Variants in CLSTN2 observed in about 807,000 individuals in gnomAD.
CLSTN2 encodes calsyntenin-2.
Under a neutral mutation model 101.2 loss-of-function variants are expected in CLSTN2, and 48 were observed. The ratio of observed to expected loss-of-function variants is 0.47; its 90% CI spans 0.38 to 0.60. CLSTN2 has a LOEUF of 0.60. CLSTN2 is among the 20% of genes least tolerant of loss of function. The pLI, the probability that CLSTN2 is intolerant of heterozygous loss-of-function variation, is 0.00. For synonymous variants in CLSTN2, 481 were observed against 463.6 expected, an observed-to-expected ratio of 1.04 and a Z score of -0.48; for missense variants, 1,160 against 1,238.2, an observed-to-expected ratio of 0.94 and a Z score of 0.95.
At chr3:140,481,605 G>C (rs1045338131) in intron 8 of CLSTN2, among the ~76,000 whole-genome samples, 3 of 152,118 alleles carry the variant, frequency 2.0e-5, no homozygotes, top group Non-Finnish European at 4.4e-5. Flanking sequence ...CCATTTCTTT[G>C]TATCCTCTTT....
At chr3:140,341,562 G>A (rs1359092755) in intron 2 of CLSTN2, among the ~76,000 whole-genome samples, 1 of 152,208 alleles carries the variant, frequency 6.6e-6, no homozygotes, top group East Asian at 1.9e-4. Flanking sequence ...TGCTGAAGAA[G>A]AAGGTTTCTA....
At chr3:139,986,192 T>C (rs930022772) in intron 1 of CLSTN2, among the ~76,000 whole-genome samples, 2 of 152,214 alleles carry the variant, frequency 1.3e-5, no homozygotes, top group Non-Finnish European at 2.9e-5. Context: ...AGAATACAAC[T>C]GAATTTTTAT....
At chr3:140,398,676 G>A (rs2088208947) in intron 2 of CLSTN2, among the ~76,000 whole-genome samples, 1 of 152,164 alleles carries the variant, frequency 6.6e-6, no homozygotes, top group Non-Finnish European at 1.5e-5. Flanking sequence ...TCCTTAGTTG[G>A]CTTTATGCTG....
At chr3:140,375,387 G>T (rs940082763) in intron 2 of CLSTN2, among the ~76,000 whole-genome samples, 1 of 152,194 alleles carries the variant, frequency 6.6e-6, no homozygotes, top group Non-Finnish European at 1.5e-5. Context: ...AGCTGTGGGA[G>T]GCCTGTGCAC....
chr3:140,296,733 G>T (rs1168496164), intron 2 of CLSTN2, among the ~76,000 whole-genome samples: 3 of 152,208 alleles, frequency 2.0e-5, no homozygotes, highest in Non-Finnish European at 2.9e-5. Flanking sequence ...CCGACCATCT[G>T]TCCCTTTAGG....
intron 2 of CLSTN2, among the ~76,000 whole-genome samples, chr3:140,240,174 C>CTATATATATATA (rs1226140178): frequency 3.0e-4 from 4 of 13,336 alleles, no homozygotes; most frequent in African/African-American, 3.2e-4. Context: ...CTCTCTCTCT[C>CTATATATATATA]TATATATATA....
chr3:140,555,754 C>A (rs991170563), intron 10 of CLSTN2, among the ~76,000 whole-genome samples: 2 of 152,162 alleles, frequency 1.3e-5, no homozygotes, highest in African/African-American at 4.8e-5. Context: ...TTTTCCCTGC[C>A]TCATTCCAAG....
chr3:140,372,384 C>T (rs1394037221), intron 2 of CLSTN2, among the ~76,000 whole-genome samples: 11 of 152,230 alleles, frequency 7.2e-5, no homozygotes, highest in Non-Finnish European at 1.5e-4. Context: ...GCTAGAGCAT[C>T]TTTTCCCACC....
At chr3:140,094,128 G>T (rs544672532) in intron 1 of CLSTN2, among the ~76,000 whole-genome samples, 2 of 152,282 alleles carry the variant, frequency 1.3e-5, no homozygotes, top group South Asian at 2.1e-4. Flanking sequence ...TTCAACAGAC[G>T]TTAACCCTCA....
At chr3:140,397,823 A>G (rs1344367735) in intron 2 of CLSTN2, among the ~76,000 whole-genome samples, 1 of 152,218 alleles carries the variant, frequency 6.6e-6, no homozygotes, top group Admixed American at 6.5e-5. Context: ...TGTGCTTTGA[A>G]TCTTTTACTT....
intron 1 of CLSTN2, among the ~76,000 whole-genome samples, chr3:139,987,469 C>T (rs138427249): frequency 3.3e-5 from 5 of 152,330 alleles, no homozygotes; most frequent in Admixed American, 6.5e-5. Flanking sequence ...ATCAGTCCTC[C>T]GTCTTTCAGC....
chr3:140,240,859 C>G (rs2086461521), intron 2 of CLSTN2, among the ~76,000 whole-genome samples: 1 of 152,142 alleles, frequency 6.6e-6, no homozygotes, highest in Admixed American at 6.6e-5. Context: ...ACTAGGGTCC[C>G]TGCCTTTATA....
At chr3:140,075,428 G>A (rs2008470295) in intron 1 of CLSTN2, among the ~76,000 whole-genome samples, 1 of 152,116 alleles carries the variant, frequency 6.6e-6, no homozygotes, top group Non-Finnish European at 1.5e-5. Flanking sequence ...GGGTTATTTA[G>A]AGGTATGTTT....
chr3:140,468,180 C>A (rs887056929), intron 8 of CLSTN2, among the ~76,000 whole-genome samples: 6 of 152,328 alleles, frequency 3.9e-5, no homozygotes, highest in African/African-American at 1.4e-4. Context: ...TATTTCTCAG[C>A]AACCTCTCAG....
At chr3:140,160,223 G>A (rs1264457025) in intron 1 of CLSTN2, among the ~76,000 whole-genome samples, 1 of 152,050 alleles carries the variant, frequency 6.6e-6, no homozygotes, top group Non-Finnish European at 1.5e-5. Flanking sequence ...TAGAGTTAAT[G>A]TATATTTAGA....
At chr3:140,102,835 A>T (rs1449975709) in intron 1 of CLSTN2, among the ~76,000 whole-genome samples, 1 of 152,222 alleles carries the variant, frequency 6.6e-6, no homozygotes, top group Non-Finnish European at 1.5e-5. Flanking sequence ...ACAGGTCAAG[A>T]GGTCCAATAC....
At chr3:140,549,647 T>C (rs470350) in intron 10 of CLSTN2, among the ~76,000 whole-genome samples, 44,533 of 142,436 alleles carry the variant, frequency 0.31, 10,728 homozygotes, top group African/African-American at 0.67. Flanking sequence ...ATGCTCTTTC[T>C]TCCATATCAG....
At chr3:140,426,413 T>A (rs1265811453) in intron 5 of CLSTN2, among the ~76,000 whole-genome samples, 1 of 152,240 alleles carries the variant, frequency 6.6e-6, no homozygotes, top group Non-Finnish European at 1.5e-5. Context: ...TTGCTGAGGA[T>A]AATGGTTTCC....
intron 5 of CLSTN2, among the ~76,000 whole-genome samples, chr3:140,446,065 C>T (rs144512915): frequency 2.0e-3 from 302 of 152,202 alleles, no homozygotes; most frequent in African/African-American, 5.0e-3. Flanking sequence ...CGGAGTGGTA[C>T]AAAGCATTTT....
Sources: allele counts gnomAD v4.1 joint callset (sites outside exome capture counted in the v4.1 genomes callset), GRCh38; gene constraint gnomAD v4.1.1; transcripts MANE v1.5; gene names NCBI Gene and HGNC (gene_info 2026-07-23, HGNC 2026-07-21).